The following TMEM232 variants were observed in gnomAD, a reference collection of about 807,000 sequenced individuals.
TMEM232 encodes the protein transmembrane protein 232.
TMEM232 carries 80 observed loss-of-function variants against 78.8 expected under a neutral mutation model. The ratio of observed to expected loss-of-function variants is 1.01; its 90% confidence interval spans 0.85 to 1.22. The LOEUF (loss-of-function observed/expected upper bound fraction) is 1.22. Among genes scored for constraint, TMEM232 ranks in the 50% most tolerant of loss-of-function variants. TMEM232 has a pLI of 0.00. For synonymous variants in TMEM232, 297 were observed against 254.3 expected (o/e 1.17, Z -1.60); for missense variants, 881 against 742.2 (o/e 1.19, Z -2.17).
chr5:110,605,121 T>G lies in TMEM232; in HGVS notation c.1264A>C (p.Met422Leu). 1 of 1,542,672 alleles carries G rather than the reference T, an allele frequency of 6.5e-7. No homozygotes were observed. Among genetic ancestry groups the G allele is most frequent in the African/African-American group, 1.4e-5 (1 of 72,548 alleles). Residue 422 changes from methionine to leucine, a missense_variant, in exon 10 of 14, where the codon ATG (methionine) becomes CTG (leucine). Coordinates refer to ENST00000455884, the MANE Select transcript of TMEM232 (RefSeq NM_001039763.4). The stretch of plus-strand genomic sequence containing the variant: ...ACAATCTACTTACAGTTCTCTGACA[T>G]TTTTGAAGAGAAATATTCCAAAAGA... ...LSLLEYFSSK[M>L]SENCDQVVWT...
intron 7 of TMEM232, among the ~76,000 whole-genome samples, chr5:110,622,422 G>A (rs1349708678): frequency 1.3e-5 from 2 of 152,158 alleles, no homozygotes; most frequent in African/African-American, 2.4e-5. Flanking sequence ...TTACTACCAA[G>A]TGACAACTGT....
intron 11 of TMEM232, among the ~76,000 whole-genome samples, chr5:110,533,614 C>G (rs1228498789): frequency 3.3e-5 from 5 of 152,164 alleles, no homozygotes; most frequent in Non-Finnish European, 7.3e-5. Flanking sequence ...TTCTGCTCCC[C>G]GGCTCCTTCA....
intron 10 of TMEM232, among the ~76,000 whole-genome samples, chr5:110,576,783 G>C (rs540108097): frequency 6.6e-6 from 1 of 152,174 alleles, no homozygotes; most frequent in East Asian, 1.9e-4. Context: ...AAGCACTGGG[G>C]AAAGGATTTC....
At chr5:110,429,519 T>A (rs949796704) in intron 12 of TMEM232, among the ~76,000 whole-genome samples, 3 of 151,784 alleles carry the variant, frequency 2.0e-5, no homozygotes, top group Non-Finnish European at 4.4e-5. Flanking sequence ...GAGACATGCA[T>A]AGGTTTCAGG....
intron 2 of TMEM232, among the ~76,000 whole-genome samples, chr5:110,664,251 A>G (rs1423084811): frequency 2.0e-5 from 3 of 152,192 alleles, no homozygotes; most frequent in Non-Finnish European, 4.4e-5. Flanking sequence ...AAAATAATAA[A>G]TAAGGAAAAT....
chr5:110,611,145 A>G (rs1001203318), intron 8 of TMEM232, among the ~76,000 whole-genome samples: 9 of 152,196 alleles, frequency 5.9e-5, no homozygotes, highest in African/African-American at 1.9e-4. Context: ...TTACTTAACT[A>G]TAATGTTATC....
At chr5:110,737,812 A>G (rs1799347882) in intron 1 of TMEM232, among the ~76,000 whole-genome samples, 2 of 152,292 alleles carry the variant, frequency 1.3e-5, no homozygotes, top group East Asian at 1.9e-4. Flanking sequence ...TGATTACTAT[A>G]TATTTTAAAA....
intron 1 of TMEM232, among the ~76,000 whole-genome samples, chr5:110,670,215 T>C (rs1791173129): frequency 6.6e-6 from 1 of 152,164 alleles, no homozygotes; most frequent in South Asian, 2.1e-4. Flanking sequence ...GATGACATGA[T>C]TGTATATTTA....
intron 12 of TMEM232, among the ~76,000 whole-genome samples, chr5:110,473,918 A>AAAACC (rs1762954682): frequency 7.6e-6 from 1 of 130,770 alleles, no homozygotes; most frequent in East Asian, 2.2e-4. Flanking sequence ...AAAAAAAAAA[A>AAAACC]CCCGCAAAAT....
chr5:110,611,883 G>GT, intron 8 of TMEM232, among the ~76,000 whole-genome samples: 1 of 152,250 alleles, frequency 6.6e-6, no homozygotes, highest in South Asian at 2.1e-4. Context: ...GTTTCGAAGT[G>GT]TAATTAATGT....
chr5:110,609,405 T>G (rs1189549391), intron 8 of TMEM232, among the ~76,000 whole-genome samples: 1 of 152,052 alleles, frequency 6.6e-6, no homozygotes, highest in Non-Finnish European at 1.5e-5. Flanking sequence ...TTAAAAATAA[T>G]AATCTCTACT....
downstream of TMEM232, among the ~76,000 whole-genome samples, chr5:110,418,728 A>G (rs73782473): frequency 0.033 from 5,036 of 152,266 alleles, 109 homozygotes; most frequent in African/African-American, 0.06. Context: ...CGCTAATCAG[A>G]GCAAACATAA....
At chr5:110,639,045 C>T (rs538170975) in intron 4 of TMEM232, among the ~76,000 whole-genome samples, 20 of 152,160 alleles carry the variant, frequency 1.3e-4, no homozygotes, top group African/African-American at 4.1e-4. Context: ...TATATGAGGA[C>T]GAACAGCAAA....
intron 12 of TMEM232, among the ~76,000 whole-genome samples, chr5:110,482,024 T>G (rs1763924278): frequency 6.6e-6 from 1 of 152,102 alleles, no homozygotes; most frequent in Admixed American, 6.6e-5. Flanking sequence ...AAAAATTTTT[T>G]TAATTAAAAG....
At chr5:110,565,277 T>C (rs1776207611) in intron 11 of TMEM232, among the ~76,000 whole-genome samples, 2 of 151,938 alleles carry the variant, frequency 1.3e-5, no homozygotes, top group African/African-American at 4.8e-5. Flanking sequence ...ACTTTAAATG[T>C]TTTATAACAT....
At chr5:110,506,033 A>C (rs1766854548) in intron 12 of TMEM232, among the ~76,000 whole-genome samples, 1 of 152,118 alleles carries the variant, frequency 6.6e-6, no homozygotes, top group Non-Finnish European at 1.5e-5. Flanking sequence ...CTTTTCACTA[A>C]AATATAGAGG....
intron 12 of TMEM232, among the ~76,000 whole-genome samples, chr5:110,462,541 C>A (rs1374173101): frequency 6.6e-6 from 1 of 152,136 alleles, no homozygotes; most frequent in Non-Finnish European, 1.5e-5. Flanking sequence ...TTCCTGCCCT[C>A]GAACATCAGA....
In TMEM232 at chr5:110,642,427, T is replaced by A. The variant is rs535852495; in HGVS notation, c.126-56A>T. The A allele has an allele frequency of 1.9e-5, 24 of 1,265,092 alleles. No individual in the cohort carries two copies. The South Asian group carries it at 3.6e-4, about 19-fold the overall frequency. The allele number at this position is 1,265,092 out of a possible 1,614,324, so 78.4% of individuals were successfully genotyped here. A position where few individuals can be genotyped will look rare whatever the true frequency, so the allele number is the denominator to read the frequency against. ...AAAAGTATAGCTATCACTTCCAAATTTCAATTAATCAACTTCCAGTGGCTA... is the reference window on the plus strand; with the variant it reads ...AAAAGTATAGCTATCACTTCCAAATATCAATTAATCAACTTCCAGTGGCTA... On this transcript the variant is annotated intron_variant, in intron 2 of 13. Transcript: ENST00000455884.
At chr5:110,551,018 G>T (rs763277844) in intron 11 of TMEM232, among the ~76,000 whole-genome samples, 1 of 151,342 alleles carries the variant, frequency 6.6e-6, no homozygotes, top group East Asian at 1.9e-4. Flanking sequence ...CAGTTTAAAT[G>T]GTTTTAAAAG....
Sources: allele counts gnomAD v4.1 joint callset (sites outside exome capture counted in the v4.1 genomes callset), GRCh38; gene constraint gnomAD v4.1.1; transcripts MANE v1.5; gene names NCBI Gene and HGNC (gene_info 2026-07-23, HGNC 2026-07-21).